Variants in EFNA5 observed in about 807,000 individuals in gnomAD.
EFNA5 encodes the protein ephrin A5, also known as ephrin-A5.
Under a neutral mutation model 22.9 loss-of-function variants are expected in EFNA5, and 5 were observed. The observed-to-expected ratio is 0.22, with a 90% CI of 0.11 to 0.46. The LOEUF is 0.46. Ranked by LOEUF, EFNA5 falls within the 20% of genes least tolerant of loss-of-function variation. The probability of loss-of-function intolerance (pLI) is 0.99; values close to 1 mark genes in which losing one functional copy is unlikely to be tolerated. For missense variants in EFNA5, 237 were observed against 293.3 expected (o/e 0.81, Z 1.40); for synonymous variants, 113 against 112.2 (o/e 1.01, Z -0.04).
intron 1 of EFNA5, among the ~76,000 whole-genome samples, chr5:107,543,464 C>CA (rs1453051931): frequency 6.6e-6 from 1 of 152,232 alleles, no homozygotes; most frequent in Admixed American, 6.5e-5. Context: ...CTTCCTTACC[C>CA]AAAAAATCAC....
chr5:107,415,936 G>A (rs186376951), intron 2 of EFNA5, among the ~76,000 whole-genome samples: 2 of 152,226 alleles, frequency 1.3e-5, no homozygotes, highest in African/African-American at 4.8e-5. Flanking sequence ...TTGTTCACTA[G>A]GCTTTGCAAT....
chr5:107,384,058 C>T (rs13163357), intron 4 of EFNA5, among the ~76,000 whole-genome samples: 2 of 152,130 alleles, frequency 1.3e-5, no homozygotes, highest in Non-Finnish European at 2.9e-5. Context: ...AAAACAGGTT[C>T]TCAATGTTGG....
chr5:107,620,674 T>C (rs1400324604), intron 1 of EFNA5, among the ~76,000 whole-genome samples: 1 of 152,220 alleles, frequency 6.6e-6, no homozygotes, highest in Non-Finnish European at 1.5e-5. Flanking sequence ...TGAATATTTC[T>C]TAAGTATGAA....
intron 1 of EFNA5, among the ~76,000 whole-genome samples, chr5:107,586,598 AATT>A (rs1749191483): frequency 2.0e-5 from 3 of 152,228 alleles, no homozygotes; most frequent in Admixed American, 2.0e-4. Context: ...TACCCAAAAT[AATT>A]ATTATCTATT....
Position 107,379,642 on chromosome 5 carries a change from A to AC in EFNA5, c.*1612dup, listed in dbSNP as rs1450031612. ...GGATTTTAAAGTTCATGACAGCCCC[A>AC]CCACCAGTAGAAACCCCAAGGCTTG... On this transcript the variant is annotated 3_prime_UTR_variant, in exon 5 of 5. Coordinates refer to ENST00000333274, the MANE Select transcript of EFNA5 (RefSeq NM_001962.3). 2 of 145,766 alleles carry AC rather than the reference A, an allele frequency of 1.4e-5. No homozygotes were observed. The highest frequency in any genetic ancestry group is 5.1e-5 in the African/African-American group (2 of 39,162). The allele number at this position is 145,766 out of a possible 1,614,324, so 9.0% of individuals were successfully genotyped here. A position where few individuals can be genotyped will look rare whatever the true frequency, so the allele number is the denominator to read the frequency against.
At chr5:107,638,142 C>A (rs1463389135) in intron 1 of EFNA5, among the ~76,000 whole-genome samples, 2 of 152,060 alleles carry the variant, frequency 1.3e-5, no homozygotes, top group African/African-American at 4.8e-5. Flanking sequence ...CTTGAGCCAT[C>A]GTGCCCGGCC....
chr5:107,605,991 G>A (rs1029554095), intron 1 of EFNA5, among the ~76,000 whole-genome samples: 1 of 152,182 alleles, frequency 6.6e-6, no homozygotes, highest in Non-Finnish European at 1.5e-5. Context: ...TCACTTCAAG[G>A]TGAGAAGGTG....
chr5:107,560,382 G>C (rs17414033), intron 1 of EFNA5, among the ~76,000 whole-genome samples: 13,113 of 152,236 alleles, frequency 0.086, 659 homozygotes, highest in South Asian at 0.14. Flanking sequence ...CTAGTTGACA[G>C]ATGAAATTTC....
chr5:107,615,245 T>A (rs144297296), intron 1 of EFNA5, among the ~76,000 whole-genome samples: 1 of 152,282 alleles, frequency 6.6e-6, no homozygotes, highest in African/African-American at 2.4e-5. Context: ...TTAACTACAC[T>A]CATTGTGGCA....
chr5:107,439,885 T>C (rs995693696), intron 1 of EFNA5, among the ~76,000 whole-genome samples: 1 of 152,142 alleles, frequency 6.6e-6, no homozygotes, highest in Non-Finnish European at 1.5e-5. Flanking sequence ...CCTTCAACAA[T>C]TGTATTAAGT....
chr5:107,557,336 G>A (rs749808100), intron 1 of EFNA5, among the ~76,000 whole-genome samples: 1 of 140,142 alleles, frequency 7.1e-6, no homozygotes, highest in African/African-American at 2.7e-5. Flanking sequence ...TACGTGGGAG[G>A]TGCTTAGCAA....
intron 1 of EFNA5, among the ~76,000 whole-genome samples, chr5:107,438,962 G>A (rs1273073351): frequency 6.6e-6 from 1 of 152,198 alleles, no homozygotes; most frequent in African/African-American, 2.4e-5. Flanking sequence ...TAGAGCATCA[G>A]GTTAAAAGTT....
chr5:107,494,108 G>A (rs541140428), intron 1 of EFNA5, among the ~76,000 whole-genome samples: 1 of 152,302 alleles, frequency 6.6e-6, no homozygotes, highest in East Asian at 1.9e-4. Context: ...GCCTTCGCTC[G>A]CTCTGGGTGC....
chr5:107,631,289 A>ACT (rs1554070311), intron 1 of EFNA5, among the ~76,000 whole-genome samples: 2 of 139,466 alleles, frequency 1.4e-5, no homozygotes, highest in African/African-American at 5.2e-5. Flanking sequence ...ACACACACAC[A>ACT]CTCTCTGTCT....
In EFNA5 at chr5:107,646,220, T is replaced by C. The variant is rs139394527; in HGVS notation, c.125+24269A>G. On this transcript the variant is annotated intron_variant, in intron 1 of 4. Transcript: ENST00000333274. ...GACTATAGTTAGTAATATTGTGTTGTATACTGAAAGTATGCTAAAAGGGAT... is the reference window on the plus strand; with the variant it reads ...GACTATAGTTAGTAATATTGTGTTGCATACTGAAAGTATGCTAAAAGGGAT... 1.2e-3 allele frequency among the ~76,000 whole-genome samples: 185 copies of C among 152,320 alleles called. 1 individual carries two copies. Among genetic ancestry groups the C allele is most frequent in the African/African-American group, 4.2e-3 (174 of 41,580 alleles).
Position 107,547,040 on chromosome 5 carries a change from C to T in EFNA5, c.126-119531G>A, listed in dbSNP as rs113452877. 8.6e-4 allele frequency among the ~76,000 whole-genome samples: 131 copies of T among 152,290 alleles called. 1 individual carries two copies. In the Middle Eastern group the frequency reaches 0.01, roughly 12 times the overall value. On this transcript the variant is annotated intron_variant, in intron 1 of 4. Coordinates refer to ENST00000333274, the MANE Select transcript of EFNA5 (RefSeq NM_001962.3). ...GAAGTAAGGAGCAGAAAAGAAGTCACACAGACAAGCTCAAACTGACAACCA... is the reference window on the plus strand; with the variant it reads ...GAAGTAAGGAGCAGAAAAGAAGTCATACAGACAAGCTCAAACTGACAACCA...
chr5:107,504,145 C>A (rs1561415574), intron 1 of EFNA5, among the ~76,000 whole-genome samples: 1 of 151,984 alleles, frequency 6.6e-6, no homozygotes, highest in Non-Finnish European at 1.5e-5. Context: ...AGAAGGAATC[C>A]CAAAAGAAAG....
rs1750280235 is a variant in EFNA5, at chr5:107,632,633, AACC to A, written c.125+37853_125+37855del. Among the ~76,000 whole-genome samples, 18 of 152,310 alleles carry A rather than the reference AACC, an allele frequency of 1.2e-4. 1 individual carries two copies. The highest frequency in any genetic ancestry group is 1.2e-3 in the Admixed American group (18 of 15,304). ...TCCTTTCAGTAACCAAGTGCTCCAC[AACC>A]TGTCCCTTCAAATGTAAACAAAATC... is the stretch of plus-strand genomic sequence containing the variant. On this transcript the variant is annotated intron_variant, in intron 1 of 4. Transcript: ENST00000333274.
intron 1 of EFNA5, among the ~76,000 whole-genome samples, chr5:107,502,409 G>A (rs1747155978): frequency 6.6e-6 from 1 of 152,082 alleles, no homozygotes; most frequent in Non-Finnish European, 1.5e-5. Context: ...AATTTATCTA[G>A]CACATCTTCC....
Sources: allele counts gnomAD v4.1 joint callset (sites outside exome capture counted in the v4.1 genomes callset), GRCh38; gene constraint gnomAD v4.1.1; transcripts MANE v1.5; gene names NCBI Gene and HGNC (gene_info 2026-07-23, HGNC 2026-07-21).